Variants in LAMA2 observed in about 807,000 individuals in gnomAD.
LAMA2 encodes the protein laminin subunit alpha 2.
LAMA2 carries 269 observed loss-of-function variants against 364.8 expected under a neutral mutation model. That is an observed-to-expected ratio of 0.74 (90% confidence interval 0.67 to 0.82). The LOEUF is 0.82. LAMA2 is among the 40% of genes least tolerant of loss of function. LAMA2 has a pLI of 0.00. For missense variants in LAMA2, 3,807 were observed against 3,873.2 expected, an observed-to-expected ratio of 0.98 and a Z score of 0.45; for synonymous variants, 1,379 against 1,370.6, an observed-to-expected ratio of 1.01 and a Z score of -0.14.
chr6:129,154,097 G>A (rs1300798413), intron 7 of LAMA2, among the ~76,000 whole-genome samples: 1 of 152,220 alleles, frequency 6.6e-6, no homozygotes, highest in Non-Finnish European at 1.5e-5. Flanking sequence ...GTGTGTGTAC[G>A]CTAAATGTAA....
chr6:129,098,455 G>A (rs751171964), intron 4 of LAMA2, 40 bp downstream of exon 4: 30 of 1,609,184 alleles, frequency 1.9e-5, no homozygotes, highest in East Asian at 1.8e-4. Context: ...CATTTGATAC[G>A]GTGAAATAGG....
At chr6:129,100,087 A>C (rs1357393151) in intron 4 of LAMA2, among the ~76,000 whole-genome samples, 2 of 152,244 alleles carry the variant, frequency 1.3e-5, no homozygotes, top group East Asian at 3.8e-4. Context: ...TAAGCAATAT[A>C]AAATACACTT....
chr6:129,364,220 C>CA (rs1777633265), intron 32 of LAMA2, among the ~76,000 whole-genome samples: 1 of 152,162 alleles, frequency 6.6e-6, no homozygotes, highest in South Asian at 2.1e-4. Context: ...GCTGTCCTAT[C>CA]AAAAAATCAC....
intron 37 of LAMA2, among the ~76,000 whole-genome samples, chr6:129,400,139 T>G (rs1305010873): frequency 3.3e-5 from 5 of 152,220 alleles, no homozygotes; most frequent in Admixed American, 3.3e-4. Flanking sequence ...GTTTTCACTG[T>G]GTCCTCACAT....
chr6:129,120,179 A>T (rs985982330), intron 4 of LAMA2, among the ~76,000 whole-genome samples: 5 of 152,190 alleles, frequency 3.3e-5, no homozygotes, highest in African/African-American at 1.2e-4. Context: ...GGTGATTGTA[A>T]AAATATCAAA....
At chr6:129,245,964 T>C (rs1424659374) in intron 12 of LAMA2, among the ~76,000 whole-genome samples, 1 of 152,232 alleles carries the variant, frequency 6.6e-6, no homozygotes, top group Non-Finnish European at 1.5e-5. Context: ...AATTTTTTCA[T>C]AGTGCCTCCT....
At chr6:128,911,281 T>A (rs1777923432) in intron 1 of LAMA2, among the ~76,000 whole-genome samples, 1 of 152,108 alleles carries the variant, frequency 6.6e-6, no homozygotes. Context: ...GTGCTAGCAA[T>A]CAGTGAGACT....
chr6:129,087,429 G>A (rs1033775319), intron 3 of LAMA2, among the ~76,000 whole-genome samples: 1 of 152,186 alleles, frequency 6.6e-6, no homozygotes, highest in Admixed American at 6.5e-5. Flanking sequence ...ACATACAGGG[G>A]TTGGAGAGAA....
intron 4 of LAMA2, among the ~76,000 whole-genome samples, chr6:129,102,709 T>C (rs1484354359): frequency 6.6e-6 from 1 of 152,192 alleles, no homozygotes; most frequent in Non-Finnish European, 1.5e-5. Context: ...TAACAGAAGT[T>C]GTATTTGAAA....
At chr6:129,447,309 G>A (rs1055688369) in intron 45 of LAMA2, among the ~76,000 whole-genome samples, 11 of 152,214 alleles carry the variant, frequency 7.2e-5, no homozygotes, top group Non-Finnish European at 1.5e-5. Context: ...CTCTAGTAGG[G>A]CCTGAAGATT....
chr6:129,309,653 C>T (rs1774086283), intron 22 of LAMA2, among the ~76,000 whole-genome samples: 1 of 152,124 alleles, frequency 6.6e-6, no homozygotes, highest in African/African-American at 2.4e-5. Context: ...ATATGTAAGA[C>T]ATCCTAATTT....
At chr6:129,071,706 A>G (rs1257110809) in intron 3 of LAMA2, among the ~76,000 whole-genome samples, 1 of 152,152 alleles carries the variant, frequency 6.6e-6, no homozygotes, top group Non-Finnish European at 1.5e-5. Context: ...ACAATTGAGT[A>G]TTTTTCTAAT....
intron 1 of LAMA2, among the ~76,000 whole-genome samples, chr6:128,970,577 G>A (rs1782129136): frequency 6.6e-6 from 1 of 152,138 alleles, no homozygotes; most frequent in African/African-American, 2.4e-5. Context: ...ATTTTTATAA[G>A]ATTGCTGAAA....
At chr6:128,902,093 A>G (rs1012514582) in intron 1 of LAMA2, among the ~76,000 whole-genome samples, 1 of 152,204 alleles carries the variant, frequency 6.6e-6, no homozygotes, top group Non-Finnish European at 1.5e-5. Flanking sequence ...AAAGCCCCTT[A>G]TAAAACCATC....
At chr6:129,270,060 A>G (rs776112996) in intron 16 of LAMA2, among the ~76,000 whole-genome samples, 4 of 152,090 alleles carry the variant, frequency 2.6e-5, no homozygotes, top group Non-Finnish European at 2.9e-5. Flanking sequence ...CAAGCTTCTC[A>G]CAGATGTAAT....
At chr6:129,476,668 A>G (rs1250063933) in intron 53 of LAMA2, among the ~76,000 whole-genome samples, 4 of 152,202 alleles carry the variant, frequency 2.6e-5, no homozygotes, top group African/African-American at 4.8e-5. Flanking sequence ...AAAAATGGTG[A>G]TAAGTCAGTC....
At chr6:129,313,119 C>G in intron 23 of LAMA2, 22 bp downstream of exon 23, 1 of 1,447,930 alleles carries the variant, frequency 6.9e-7, no homozygotes, top group Non-Finnish European at 9.6e-7. Context: ...TGACATGCAG[C>G]TAGGGAAAAC....
chr6:129,022,936 A>C lies in LAMA2; in HGVS notation c.113-26982A>C, dbSNP rs567529504. On this transcript the variant is annotated intron_variant, in intron 1 of 64. Coordinates refer to ENST00000421865, the MANE Select transcript of LAMA2 (RefSeq NM_000426.4). ...TCTACATGCCAAATAAATTGACTCC[A>C]CCCTCCACCCGTTATATCAGGGCCC... Among the ~76,000 whole-genome samples the C allele has an allele frequency of 2.4e-3, 360 of 151,840 alleles. 1 individual carries two copies. Among genetic ancestry groups the C allele is most frequent in the African/African-American group, 8.2e-3 (341 of 41,388 alleles).
At chr6:129,456,984 C>G (rs1234628472) in intron 48 of LAMA2, among the ~76,000 whole-genome samples, 1 of 152,138 alleles carries the variant, frequency 6.6e-6, no homozygotes, top group Non-Finnish European at 1.5e-5. Context: ...ACTTAATATT[C>G]ATAATTGCTT....
Sources: allele counts gnomAD v4.1 joint callset (sites outside exome capture counted in the v4.1 genomes callset), GRCh38; gene constraint gnomAD v4.1.1; transcripts MANE v1.5; gene names NCBI Gene and HGNC (gene_info 2026-07-23, HGNC 2026-07-21).